PCDHA2: variants seen among roughly 807,000 people sequenced by gnomAD.
PCDHA2 encodes protocadherin alpha-2.
Under a neutral mutation model 66.0 loss-of-function variants are expected in PCDHA2, and 58 were observed. The ratio of observed to expected loss-of-function variants is 0.88; its 90% CI spans 0.71 to 1.09. The LOEUF (loss-of-function observed/expected upper bound fraction) is 1.09. PCDHA2 is among the 50% of genes least tolerant of loss of function. PCDHA2 has a pLI of 0.00. For synonymous variants in PCDHA2, 634 were observed against 554.0 expected (o/e 1.14, Z -2.03); for missense variants, 1,267 against 1,242.3 (o/e 1.02, Z -0.30).
chr5:140,978,424 T>C (rs1554239310), intron 1 of PCDHA2, among the ~76,000 whole-genome samples: 1 of 152,238 alleles, frequency 6.6e-6, no homozygotes, highest in African/African-American at 2.4e-5. Flanking sequence ...GAGACTGTTA[T>C]CAGTTGCTGG....
rs782270666 is a variant in PCDHA2, at chr5:140,884,372, A to G, written c.2388+87020A>G. ...GGTGGATGTCAATGTTTACTTGATC[A>G]TTGCCATCTGCGCGGTGTCCAGCCT... On this transcript the variant is annotated intron_variant, in intron 1 of 3. Coordinates refer to ENST00000526136, the MANE Select transcript of PCDHA2 (RefSeq NM_018905.3). 6 of 1,613,806 alleles carry G rather than the reference A, an allele frequency of 3.7e-6. No homozygotes were observed. Among genetic ancestry groups the G allele is most frequent in the Non-Finnish European group, 5.1e-6 (6 of 1,179,874 alleles).
intron 1 of PCDHA2, chr5:140,842,643 T>C (rs1391862843): frequency 6.3e-7 from 1 of 1,595,190 alleles, no homozygotes; most frequent in Non-Finnish European, 8.6e-7. Flanking sequence ...ACCGCCAGCT[T>C]GTCTGTGGAG....
intron 1 of PCDHA2, chr5:140,808,714 G>A (rs782290145): frequency 3.7e-6 from 6 of 1,612,100 alleles, no homozygotes; most frequent in African/African-American, 1.3e-5. Context: ...GCTACGTTTC[G>A]GTGCATGCGG....
rs2150260681 is a variant in PCDHA2 at position 140,836,426 on chromosome 5, G to A, written c.2388+39074G>A. The stretch of plus-strand genomic sequence containing the variant: ...GCCAGGCACCAAAGGCGTCGTCGCG[G>A]GCATCGTTGGGCATTGCAGGCCCAG... On this transcript the variant is annotated intron_variant, in intron 1 of 3. Transcript: ENST00000526136. 2.7e-5 allele frequency: 44 copies of A among 1,613,710 alleles called. 1 individual carries two copies. The highest frequency in any genetic ancestry group is 3.5e-5 in the Non-Finnish European group (41 of 1,179,868).
At chr5:140,875,830 G>T in intron 1 of PCDHA2, 1 of 1,614,226 alleles carries the variant, frequency 6.2e-7, no homozygotes, top group South Asian at 1.1e-5. Context: ...TTTCCATGTG[G>T]ACGTGGAGGT....
rs2040836417 is a variant in PCDHA2 at position 140,849,271 on chromosome 5, C to G, written c.2388+51919C>G. ...TTACCAGAAAACGTTTCTATCGGAA[C>G]GCTGGTGATTCACCCCAATGCCTCA... is the stretch of plus-strand genomic sequence containing the variant. On this transcript the variant is annotated intron_variant, in intron 1 of 3. Coordinates refer to ENST00000526136, the MANE Select transcript of PCDHA2 (RefSeq NM_018905.3). 10 of 1,147,158 alleles carry G rather than the reference C, an allele frequency of 8.7e-6. No individual in the cohort carries two copies. In the East Asian group the frequency reaches 2.3e-4, roughly 26 times the overall value. 71.1% of individuals were successfully genotyped at this position (1,147,158 alleles called of 1,614,324 possible).
chr5:140,877,155 C>A, intron 1 of PCDHA2: 1 of 1,613,798 alleles, frequency 6.2e-7, no homozygotes, highest in Non-Finnish European at 8.5e-7. Context: ...AGAACGACAA[C>A]GCGCCGGCAC....
intron 1 of PCDHA2, chr5:140,849,885 G>C (rs2150456327): frequency 1.3e-6 from 2 of 1,598,614 alleles, no homozygotes; most frequent in Non-Finnish European, 1.7e-6. Flanking sequence ...CACGGTGTTC[G>C]TGAAGGAGAA....
At chr5:140,925,108 G>GAAGGAA (rs2082318586) in intron 1 of PCDHA2, among the ~76,000 whole-genome samples, 1 of 124,702 alleles carries the variant, frequency 8.0e-6, no homozygotes, top group African/African-American at 3.3e-5. Context: ...GAAGGAAGGA[G>GAAGGAA]GGAAGGAAGG....
At chr5:140,990,007 C>T (rs1188956345) in intron 3 of PCDHA2, among the ~76,000 whole-genome samples, 2 of 151,870 alleles carry the variant, frequency 1.3e-5, no homozygotes, top group African/African-American at 2.4e-5. Flanking sequence ...TCTCCAAGGG[C>T]GTGGGCTAGG....
chr5:140,809,311 C>T, intron 1 of PCDHA2: 1 of 1,614,122 alleles, frequency 6.2e-7, no homozygotes, highest in Non-Finnish European at 8.5e-7. Context: ...GCGCGGTGTC[C>T]AGCCTTTTGG....
intron 1 of PCDHA2, chr5:140,966,660 A>G: frequency 8.2e-7 from 1 of 1,217,300 alleles, no homozygotes; most frequent in Non-Finnish European, 1.1e-6. Context: ...GCGGTGGGGG[A>G]GCAGGCGCAG....
intron 1 of PCDHA2, chr5:140,812,808 T>TA (rs1581722894): frequency 6.6e-6 from 1 of 152,358 alleles, no homozygotes; most frequent in East Asian, 1.9e-4. Flanking sequence ...TGTAAGTTTT[T>TA]ATTGTGTTGT....
chr5:140,942,545 G>T (rs981508818), intron 1 of PCDHA2, among the ~76,000 whole-genome samples: 1 of 151,970 alleles, frequency 6.6e-6, no homozygotes, highest in Non-Finnish European at 1.5e-5. Flanking sequence ...ATGGTGGGGG[G>T]TAGGGGGTTG....
rs2150115372 is a variant in PCDHA2, at chr5:140,822,309, C to G, written c.2388+24957C>G. 2.5e-6 allele frequency: 4 copies of G among 1,614,044 alleles called. No individual in the cohort carries two copies. The African/African-American group carries it at 5.3e-5, about 22-fold the overall frequency. On this transcript the variant is annotated intron_variant, in intron 1 of 3. Transcript: ENST00000526136. ...GGTTAAATCCAAACGAATATTTTGA[C>G]TTAGATGTTAAAACAAATGAAGAAG...
intron 3 of PCDHA2, among the ~76,000 whole-genome samples, chr5:140,985,878 T>C (rs891027308): frequency 6.6e-6 from 1 of 151,706 alleles, no homozygotes; most frequent in Non-Finnish European, 1.5e-5. Flanking sequence ...TAGCTGGGAC[T>C]ACAGGCGCCC....
intron 1 of PCDHA2, chr5:140,927,032 C>T: frequency 6.2e-7 from 1 of 1,612,120 alleles, no homozygotes; most frequent in Non-Finnish European, 8.5e-7. Context: ...AGGCTGCCAG[C>T]GGCCGCTATG....
At chr5:140,805,903 A>G (rs553167361) in intron 1 of PCDHA2, among the ~76,000 whole-genome samples, 2 of 152,328 alleles carry the variant, frequency 1.3e-5, no homozygotes, top group African/African-American at 4.8e-5. Flanking sequence ...CATTTTCTGC[A>G]GGGTAAATAT....
intron 1 of PCDHA2, chr5:140,830,908 T>C (rs1771286150): frequency 6.6e-6 from 1 of 152,406 alleles, no homozygotes; most frequent in East Asian, 1.9e-4. Context: ...TTTTACACTT[T>C]CCATTTCAAT....
Sources: allele counts gnomAD v4.1 joint callset (sites outside exome capture counted in the v4.1 genomes callset), GRCh38; gene constraint gnomAD v4.1.1; transcripts MANE v1.5; gene names NCBI Gene and HGNC (gene_info 2026-07-23, HGNC 2026-07-21).